The following SENP7 variants were observed in gnomAD, a reference collection of about 807,000 sequenced individuals.
SENP7 encodes SUMO specific peptidase 7.
A neutral mutation model predicts 141.2 loss-of-function variants in SENP7; 64 were observed. The ratio of observed to expected loss-of-function variants is 0.45; its 90% confidence interval spans 0.37 to 0.56. SENP7 has a LOEUF of 0.56. Among genes scored for constraint, SENP7 ranks in the 20% least tolerant of loss-of-function variants. SENP7 has a pLI of 0.00. For missense variants in SENP7, 1,025 were observed against 1,212.2 expected (o/e 0.85, Z 2.29); for synonymous variants, 382 against 426.4 (o/e 0.90, Z 1.28).
intron 3 of SENP7, among the ~76,000 whole-genome samples, chr3:101,464,046 C>T (rs2063679317): frequency 6.6e-6 from 1 of 151,798 alleles, no homozygotes; most frequent in African/African-American, 2.4e-5. Flanking sequence ...GGCTGGTCTC[C>T]AACTCATGAC....
chr3:101,327,635 G>A (rs1393493937), intron 23 of SENP7, 31 bp downstream of exon 23: 1 of 1,552,940 alleles, frequency 6.4e-7, no homozygotes, highest in African/African-American at 1.4e-5. Context: ...TGGTAACTGT[G>A]AATTAAAAAC....
chr3:101,332,925 G>A, intron 17 of SENP7, 63 bp from the exon 18 acceptor site: 1 of 1,448,358 alleles, frequency 6.9e-7, no homozygotes, highest in East Asian at 2.5e-5. Flanking sequence ...GGGACTTCAA[G>A]AGCCATTTTT....
At chr3:101,331,614 C>T (rs1391692325) in intron 19 of SENP7, among the ~76,000 whole-genome samples, 1 of 151,482 alleles carries the variant, frequency 6.6e-6, no homozygotes, top group Admixed American at 6.6e-5. Flanking sequence ...GTGGTTACTT[C>T]TGGATTAAAG....
intron 4 of SENP7, among the ~76,000 whole-genome samples, chr3:101,444,736 C>G (rs1191079684): frequency 1.1e-5 from 1 of 94,346 alleles, no homozygotes; most frequent in African/African-American, 4.4e-5. Flanking sequence ...ACTCTGGGGA[C>G]TGTTGTGGGG....
intron 3 of SENP7, among the ~76,000 whole-genome samples, chr3:101,478,137 G>T (rs1054986588): frequency 6.6e-6 from 1 of 152,002 alleles, no homozygotes; most frequent in Non-Finnish European, 1.5e-5. Flanking sequence ...CTTAGAAAAA[G>T]ATAGATAAAT....
chr3:101,392,898 T>G (rs1424695296), intron 6 of SENP7, among the ~76,000 whole-genome samples: 2 of 152,146 alleles, frequency 1.3e-5, no homozygotes, highest in East Asian at 1.9e-4. Context: ...GAGGGAAGAT[T>G]GCTTGAAGTC....
At chr3:101,353,996 G>C (rs2059675067) in intron 11 of SENP7, among the ~76,000 whole-genome samples, 1 of 151,858 alleles carries the variant, frequency 6.6e-6, no homozygotes, top group South Asian at 2.1e-4. Flanking sequence ...AGTGCATCCT[G>C]AACTGTCTGA....
At chr3:101,360,387 C>T (rs1206933876) in intron 11 of SENP7, among the ~76,000 whole-genome samples, 3 of 152,142 alleles carry the variant, frequency 2.0e-5, no homozygotes, top group African/African-American at 7.2e-5. Context: ...ATATCCATTG[C>T]CATATGCACC....
chr3:101,483,305 TC>T (rs2064578765), intron 3 of SENP7, among the ~76,000 whole-genome samples: 1 of 152,104 alleles, frequency 6.6e-6, no homozygotes, highest in South Asian at 2.1e-4. Context: ...CAACATAGGA[TC>T]ACCTAAGCTA....
intron 6 of SENP7, among the ~76,000 whole-genome samples, chr3:101,381,563 T>C (rs551272716): frequency 6.6e-6 from 1 of 152,208 alleles, no homozygotes; most frequent in African/African-American, 2.4e-5. Context: ...ATATGCATTA[T>C]TGTTCAAATT....
chr3:101,497,239 T>C (rs1294726290), intron 2 of SENP7, among the ~76,000 whole-genome samples: 1 of 152,198 alleles, frequency 6.6e-6, no homozygotes, highest in Admixed American at 6.5e-5. Flanking sequence ...GAAATAAATA[T>C]AGATACATGT....
chr3:101,457,528 G>A (rs1167637437), intron 4 of SENP7: 15 of 1,608,646 alleles, frequency 9.3e-6, no homozygotes, highest in Non-Finnish European at 8.5e-6. Context: ...ACTGTTCCTT[G>A]GTTTGTAAAC....
chr3:101,343,882 TC>T lies in SENP7; in HGVS notation c.1909del (p.Asp637IlefsTer3). The T allele has an allele frequency of 6.2e-7, 1 of 1,612,626 alleles. No homozygotes were observed. The highest frequency in any genetic ancestry group is 8.5e-7 in the Non-Finnish European group (1 of 1,178,958). On this transcript the variant is annotated frameshift_variant, in exon 14 of 24. Coordinates refer to ENST00000394095, the MANE Select transcript of SENP7 (RefSeq NM_020654.5). LOFTEE classifies it high-confidence loss of function. The part of the protein sequence containing the change: ...VSQREELKLK[D>X]IMTEISIISG... ...GATTATACTTATTTCCGTCATAATA[TC>T]TTTCAGCTTCAATTCTTCTCTTTGT...
At chr3:101,342,743 G>A (rs2059359070) in intron 14 of SENP7, among the ~76,000 whole-genome samples, 2 of 150,742 alleles carry the variant, frequency 1.3e-5, no homozygotes, top group Admixed American at 1.3e-4. Flanking sequence ...CTCGATCACT[G>A]CAATCTCCAC....
In SENP7 at chr3:101,364,706, G is replaced by T. The variant is rs928287399; in HGVS notation, c.1476+128C>A. The T allele has an allele frequency of 2.7e-5, 16 of 599,606 alleles. No individual in the cohort carries two copies. The African/African-American group carries it at 3.1e-4, about 12-fold the overall frequency. The allele number at this position is 599,606 out of a possible 1,614,324, so 37.1% of individuals were successfully genotyped here. On this transcript the variant is annotated intron_variant, in intron 10 of 23. Transcript: ENST00000394095. ...TTTCACTCAAACTACTATAAAAGTTGTCTGAAAATTCAAACTAAGAAAATT... is the reference window on the plus strand; with the variant it reads ...TTTCACTCAAACTACTATAAAAGTTTTCTGAAAATTCAAACTAAGAAAATT...
At chr3:101,463,382 T>TATATATATATATACAC in intron 3 of SENP7, among the ~76,000 whole-genome samples, 1 of 89,932 alleles carries the variant, frequency 1.1e-5, no homozygotes, top group Admixed American at 1.1e-4. Flanking sequence ...TATATATATA[T>TATATATATATATACAC]ATATATATAT....
At chr3:101,467,686 C>A (rs1469815835) in intron 3 of SENP7, among the ~76,000 whole-genome samples, 1 of 152,090 alleles carries the variant, frequency 6.6e-6, no homozygotes, top group Non-Finnish European at 1.5e-5. Context: ...TCATCTACAC[C>A]AAAACCTCAT....
At chr3:101,484,771 A>G (rs2064655252) in intron 3 of SENP7, among the ~76,000 whole-genome samples, 1 of 152,148 alleles carries the variant, frequency 6.6e-6, no homozygotes, top group South Asian at 2.1e-4. Context: ...CTGGCACCAC[A>G]GGAATCCATT....
chr3:101,364,981 G>A lies in SENP7; in HGVS notation c.1329C>T (p.Ser443=). 1 of 1,521,614 alleles carries A rather than the reference G, an allele frequency of 6.6e-7. No homozygotes were observed. 94.3% of individuals were successfully genotyped at this position (1,521,614 alleles called of 1,614,324 possible). The change falls in exon 10 of 24, where the codon TCC becomes TCT. Residue 443 remains serine, a synonymous_variant. Transcript: ENST00000394095. The stretch of plus-strand genomic sequence containing the variant: ...GTTCAACAGGTCCTTCTTCATCACT[G>A]GAAACAACAACTAAAACGGAAAAGA... The part of the protein sequence containing the change: ...SLISAEPIVV[S]SDEEGPVEHK...
Sources: gnomAD v4.1 joint callset for allele counts (sites outside exome capture counted in the v4.1 genomes callset) on GRCh38, gnomAD v4.1.1 for gene constraint, MANE v1.5 for transcripts, NCBI Gene and HGNC (gene_info 2026-07-23, HGNC 2026-07-21) for gene names.